Variants in ATE1 observed in about 807,000 individuals in gnomAD.
The protein encoded by ATE1 is arginyltransferase 1.
Under a neutral mutation model 70.5 loss-of-function variants are expected in ATE1, and 36 were observed. The ratio of observed to expected loss-of-function variants is 0.51; its 90% CI spans 0.39 to 0.67. The LOEUF (loss-of-function observed/expected upper bound fraction) is 0.67, where lower values mean the gene tolerates loss of function less well. ATE1 is among the 30% of genes least tolerant of loss of function. The pLI is 0.00. For missense variants in ATE1, 593 were observed against 629.5 expected (o/e 0.94, Z 0.62); for synonymous variants, 232 against 219.3 (o/e 1.06, Z -0.51).
intron 8 of ATE1, among the ~76,000 whole-genome samples, chr10:121,856,539 A>C (rs1482652325): frequency 1.3e-5 from 2 of 152,172 alleles, no homozygotes; most frequent in Non-Finnish European, 2.9e-5. Context: ...CAAAAAGATA[A>C]TAGTAATAAT....
At chr10:121,859,264 T>TA (rs1157445259) in intron 8 of ATE1, among the ~76,000 whole-genome samples, 5 of 146,544 alleles carry the variant, frequency 3.4e-5, no homozygotes, top group East Asian at 4.5e-4. Flanking sequence ...TATTTTATTT[T>TA]TTTTTTTTTT....
intron 11 of ATE1, among the ~76,000 whole-genome samples, chr10:121,746,964 G>C (rs1944397338): frequency 6.6e-6 from 1 of 152,184 alleles, no homozygotes; most frequent in Admixed American, 6.5e-5. Flanking sequence ...GTCAGTTAGG[G>C]CATTCCCCCA....
At chr10:121,768,980 T>G (rs1423151856) in intron 11 of ATE1, among the ~76,000 whole-genome samples, 1 of 148,434 alleles carries the variant, frequency 6.7e-6, no homozygotes, top group African/African-American at 2.5e-5. Flanking sequence ...CTCCCCAAAT[T>G]TATATATAGA....
At position 121,902,478 on chromosome 10, in the gene ATE1, A is replaced by C. The variant is rs1951020061; in HGVS notation, c.726T>G (p.Phe242Leu). The C allele has an allele frequency of 1.9e-6, 3 of 1,614,190 alleles. No homozygotes were observed. Among genetic ancestry groups the C allele is most frequent in the Non-Finnish European group, 2.5e-6 (3 of 1,180,036 alleles). ...FQAQGHPPSL[F>L]PPKAKSNQPK... ...GCTGGTTGGATTTAGCCTTTGGTGGAAACAAAGATGGTGGGTGACCTTGAG... is the reference window on the plus strand; with the variant it reads ...GCTGGTTGGATTTAGCCTTTGGTGGCAACAAAGATGGTGGGTGACCTTGAG... Residue 242 changes from phenylalanine to leucine, a missense_variant, in exon 6 of 12, where the codon TTT becomes TTG. Around this residue, in one of 3 missense-constraint regions of ATE1, gnomAD observed 467 missense variants for 469.6 expected, o/e 0.99. Transcript: ENST00000224652.
At chr10:121,828,769 C>A (rs553554866) in intron 10 of ATE1, among the ~76,000 whole-genome samples, 1 of 152,208 alleles carries the variant, frequency 6.6e-6, no homozygotes, top group Non-Finnish European at 1.5e-5. Flanking sequence ...CACATAAAGA[C>A]AGACACATCA....
At chr10:121,850,738 T>G (rs1949019844) in intron 8 of ATE1, among the ~76,000 whole-genome samples, 1 of 152,194 alleles carries the variant, frequency 6.6e-6, no homozygotes, top group Non-Finnish European at 1.5e-5. Flanking sequence ...ATTTGAGCCC[T>G]AACTCCACTG....
intron 7 of ATE1, among the ~76,000 whole-genome samples, chr10:121,897,350 G>C (rs1457309851): frequency 6.6e-6 from 1 of 152,178 alleles, no homozygotes; most frequent in African/African-American, 2.4e-5. Context: ...CAGAGCACTA[G>C]GAAGGAGGAA....
At chr10:121,878,630 G>A (rs1054426383) in intron 7 of ATE1, among the ~76,000 whole-genome samples, 12 of 150,666 alleles carry the variant, frequency 8.0e-5, no homozygotes, top group African/African-American at 1.2e-4. Flanking sequence ...AAATCAACAA[G>A]CTATACACCT....
intron 11 of ATE1, among the ~76,000 whole-genome samples, chr10:121,750,539 TC>T (rs112776440): frequency 0.025 from 3,844 of 152,338 alleles, 173 homozygotes; most frequent in East Asian, 0.22. Flanking sequence ...CTTGATTTTT[TC>T]CCCCAACTTT....
At chr10:121,783,046 C>G (rs1946061136) in intron 11 of ATE1, among the ~76,000 whole-genome samples, 2 of 152,076 alleles carry the variant, frequency 1.3e-5, no homozygotes, top group Non-Finnish European at 2.9e-5. Flanking sequence ...TCTAGGGAAC[C>G]CTAATACAGT....
intron 8 of ATE1, among the ~76,000 whole-genome samples, chr10:121,855,406 G>C (rs1397122589): frequency 6.6e-6 from 1 of 152,186 alleles, no homozygotes; most frequent in South Asian, 2.1e-4. Context: ...AATCTGGTTT[G>C]TTAGTCCTTT....
At chr10:121,928,046 C>A (rs1020941551), upstream of ATE1, 2 of 1,228,430 alleles carry the variant, frequency 1.6e-6, no homozygotes, top group South Asian at 3.6e-5. Flanking sequence ...GGGAGCCTCC[C>A]GAGGCTCGCG....
intron 3 of ATE1, among the ~76,000 whole-genome samples, chr10:121,919,663 C>T (rs1378641211): frequency 6.6e-6 from 1 of 151,812 alleles, no homozygotes; most frequent in African/African-American, 2.4e-5. Flanking sequence ...CGCCTGAAAT[C>T]CCAGCACTTT....
intron 3 of ATE1, among the ~76,000 whole-genome samples, chr10:121,917,127 C>G (rs988179375): frequency 6.6e-6 from 1 of 151,810 alleles, no homozygotes; most frequent in Non-Finnish European, 1.5e-5. Context: ...TGTGCCAGTA[C>G]ACTCCAGCCT....
chr10:121,788,779 A>T (rs1051716374), intron 11 of ATE1, among the ~76,000 whole-genome samples: 1 of 152,186 alleles, frequency 6.6e-6, no homozygotes, highest in South Asian at 2.1e-4. Flanking sequence ...GTTCTGTGAG[A>T]CCTCAAAGTT....
chr10:121,908,466 A>C (rs1951289345), intron 5 of ATE1, among the ~76,000 whole-genome samples: 1 of 152,176 alleles, frequency 6.6e-6, no homozygotes, highest in Admixed American at 6.6e-5. Context: ...ACCGCGCCAC[A>C]GCACTCCAGC....
intron 7 of ATE1, among the ~76,000 whole-genome samples, chr10:121,881,431 A>G (rs995925200): frequency 6.6e-6 from 1 of 152,138 alleles, no homozygotes; most frequent in Non-Finnish European, 1.5e-5. Context: ...CCACCAGAAT[A>G]AAAAAACAGG....
chr10:121,844,840 G>A (rs4486560), intron 8 of ATE1, among the ~76,000 whole-genome samples: 90,761 of 151,722 alleles, frequency 0.6, 30,325 homozygotes, highest in South Asian at 0.78. Flanking sequence ...TATCCTGCAC[G>A]ATTCCAATTA....
chr10:121,821,519 C>G (rs1947796899), intron 10 of ATE1, among the ~76,000 whole-genome samples: 1 of 152,144 alleles, frequency 6.6e-6, no homozygotes, highest in Non-Finnish European at 1.5e-5. Flanking sequence ...TTGAAAGACA[C>G]TTTATAAATG....
Sources: gnomAD v4.1 joint callset for allele counts (sites outside exome capture counted in the v4.1 genomes callset) on GRCh38, gnomAD v4.1.1 for gene constraint, gnomAD v4.1.1 regional missense constraint, MANE v1.5 for transcripts, NCBI Gene and HGNC (gene_info 2026-07-23, HGNC 2026-07-21) for gene names.